Variants in SLC51A observed in about 807,000 individuals in gnomAD.
The protein encoded by SLC51A is organic solute transporter subunit alpha.
A neutral mutation model predicts 34.8 loss-of-function variants in SLC51A; 22 were observed. The ratio of observed to expected loss-of-function variants is 0.63; its 90% CI spans 0.45 to 0.90. The LOEUF (loss-of-function observed/expected upper bound fraction) is 0.90, where lower values mean the gene tolerates loss of function less well. Ranked by LOEUF, SLC51A falls within the 40% of genes least tolerant of loss-of-function variation. SLC51A has a pLI of 0.00. For missense variants in SLC51A, 371 were observed against 414.8 expected, an observed-to-expected ratio of 0.89 and a Z score of 0.92; for synonymous variants, 181 against 176.3, an observed-to-expected ratio of 1.03 and a Z score of -0.21.
rs1723940957 is a variant in SLC51A at position 196,228,063 on chromosome 3, GTCTT to G, written c.363-48_363-45del. 1 of 1,581,190 alleles carries G rather than the reference GTCTT, an allele frequency of 6.3e-7. No homozygotes were observed. Among genetic ancestry groups the G allele is most frequent in the South Asian group, 1.2e-5 (1 of 85,044 alleles). ...TCAGTAAGCCCCACCTCTCCCTGCT[GTCTT>G]TCTCTCTGGCAGCAGACCTCGTAGG... On this transcript the variant is annotated intron_variant, in intron 4 of 8. Coordinates refer to ENST00000296327, the MANE Select transcript of SLC51A (RefSeq NM_152672.6). This position sits in a 1 kb window ranked among gnomAD's most constrained non-coding sequence, Gnocchi z 4.9.
In SLC51A at chr3:196,231,772, T is replaced by C. The variant is rs565643294; in HGVS notation, c.781-647T>C. The stretch of plus-strand genomic sequence containing the variant: ...CACACAATGTACTCAGGGAGGGCAA[T>C]ACTAAGATAAATGGTGCTTCCAGGG... On this transcript the variant is annotated intron_variant, in intron 7 of 8. Transcript: ENST00000296327. Among the ~76,000 whole-genome samples, 5 of 152,326 alleles carry C rather than the reference T, an allele frequency of 3.3e-5. No homozygotes were observed. The South Asian group carries it at 1.0e-3, about 32-fold the overall frequency.
Position 196,217,865 on chromosome 3 carries a change from T to C in SLC51A, c.62T>C (p.Val21Ala). The part of the protein sequence containing the change: ...DPRYTADLLE[V>A]LKTNYGIPSA... Reference sequence around the variant, plus strand: ...AGGTACACAGCAGATCTTCTGGAGGTGCTGAAGACCAATTACGGCATCCCC... The same window carrying C: ...AGGTACACAGCAGATCTTCTGGAGGCGCTGAAGACCAATTACGGCATCCCC... Residue 21 changes from valine (V) to alanine (A), a missense_variant, in exon 2 of 9, where the codon GTG becomes GCG. By Grantham distance (64) the Val-to-Ala change is moderately conservative. Transcript: ENST00000296327. 1 of 1,613,472 alleles carries C rather than the reference T, an allele frequency of 6.2e-7. No homozygotes were observed. Among genetic ancestry groups the C allele is most frequent in the African/African-American group, 1.3e-5 (1 of 74,960 alleles).
chr3:196,230,019 C>A lies in SLC51A; in HGVS notation c.738C>A (p.His246Gln), dbSNP rs1346138148. ...LGIISRQARLHLGEQNMGAKF... is the reference protein window; with the variant it reads ...LGIISRQARLQLGEQNMGAKF... ...TCATTTCCCGTCAAGCCAGGCTACA[C>A]CTGGGTGAGCAGAACATGGGAGCCA... The change falls in exon 7 of 9, where the codon CAC becomes CAA. Residue 246 changes from histidine (H) to glutamine (Q), a missense_variant. His to Gln is a conservative substitution (Grantham distance 24). Transcript: ENST00000296327. The A allele has an allele frequency of 1.9e-6, 3 of 1,613,834 alleles. No individual in the cohort carries two copies. The highest frequency in any genetic ancestry group is 8.5e-7 in the Non-Finnish European group (1 of 1,179,826).
Position 196,233,149 on chromosome 3 carries a change from G to A in SLC51A, c.973G>A (p.Gly325Arg), listed in dbSNP as rs115816456. ...MYYRRKDHKV[G>R]YETFSSPDLD... is the part of the protein sequence containing the mutation. ...CTACCGAAGGAAAGACCACAAGGTTGGGTATGAAACTTTCTCTTCTCCAGA... is the reference window on the plus strand; with the variant it reads ...CTACCGAAGGAAAGACCACAAGGTTAGGTATGAAACTTTCTCTTCTCCAGA... Residue 325 changes from glycine (G) to arginine (R), a missense_variant, in exon 9 of 9, where the codon GGG (glycine) becomes AGG (arginine). Gly to Arg is a moderately radical substitution (Grantham distance 125). Coordinates refer to ENST00000296327, the MANE Select transcript of SLC51A (RefSeq NM_152672.6). 171 of 1,614,224 alleles carry A rather than the reference G, an allele frequency of 1.1e-4. No individual in the cohort carries two copies. Among genetic ancestry groups the A allele is most frequent in the Non-Finnish European group, 1.3e-4 (149 of 1,180,038 alleles).
At chr3:196,224,388 G>A (rs1270055667) in intron 2 of SLC51A, among the ~76,000 whole-genome samples, 1 of 148,458 alleles carries the variant, frequency 6.7e-6, no homozygotes. Flanking sequence ...AGGCCATGTG[G>A]GGACACAGTA....
chr3:196,218,681 C>G (rs1453448887), intron 2 of SLC51A, among the ~76,000 whole-genome samples: 1 of 152,178 alleles, frequency 6.6e-6, no homozygotes, highest in African/African-American at 2.4e-5. Flanking sequence ...TTTTGTCGCT[C>G]TGTTTCCTGA....
chr3:196,216,665 G>T lies in SLC51A; in HGVS notation c.-48G>T. ...CGGCCCCCACCTGCCCGCCCCGCCT[G>T]CCCTTCCTCACCCCGGTGCCTGCGG... is the stretch of plus-strand genomic sequence containing the variant. On this transcript the variant is annotated 5_prime_UTR_variant, in exon 1 of 9. Transcript: ENST00000296327. The surrounding 1 kb of genome is among the most constrained non-coding windows in gnomAD (Gnocchi z 4.5). The T allele has an allele frequency of 6.5e-7, 1 of 1,547,466 alleles. No homozygotes were observed. The highest frequency in any genetic ancestry group is 8.7e-7 in the Non-Finnish European group (1 of 1,145,294).
chr3:196,220,153 G>A (rs779696843), intron 2 of SLC51A, among the ~76,000 whole-genome samples: 12 of 152,242 alleles, frequency 7.9e-5, no homozygotes, highest in Non-Finnish European at 1.3e-4. Flanking sequence ...GGTGAGGCCC[G>A]CTGCGCGCCG....
At chr3:196,218,037 C>T (rs866232055) in intron 2 of SLC51A, 101 bp downstream of exon 2, 21 of 1,068,926 alleles carry the variant, frequency 2.0e-5, no homozygotes, top group Middle Eastern at 2.8e-4. Context: ...CCTGGGCAGC[C>T]GGGGAGAATA....
intron 1 of SLC51A, among the ~76,000 whole-genome samples, chr3:196,217,411 C>T (rs2108751354): frequency 6.6e-6 from 1 of 152,218 alleles, no homozygotes; most frequent in Middle Eastern, 3.4e-3. Flanking sequence ...GTGGCGTGCA[C>T]CTGTAGTCCC....
rs748225405 is a variant in SLC51A, at chr3:196,216,793, G to T, written c.38+43G>T. The T allele has an allele frequency of 1.9e-6, 3 of 1,547,494 alleles. No individual in the cohort carries two copies. The South Asian group carries it at 3.6e-5, about 18-fold the overall frequency. On this transcript the variant is annotated intron_variant, in intron 1 of 8. Transcript: ENST00000296327. The surrounding 1 kb of genome is among the most constrained non-coding windows in gnomAD (Gnocchi z 4.5). ...GCCCTGGGCCAGTCGCTGGGCAGCG[G>T]TGGCCCCTATCCCGCGGCCTGTCCT...
chr3:196,232,197 C>A (rs1724041901), intron 7 of SLC51A, among the ~76,000 whole-genome samples: 1 of 152,224 alleles, frequency 6.6e-6, no homozygotes, highest in African/African-American at 2.4e-5. Context: ...TTGTCAGAAA[C>A]TCTAATAAAC....
intron 6 of SLC51A, among the ~76,000 whole-genome samples, chr3:196,229,137 G>A (rs1462978299): frequency 6.6e-6 from 1 of 152,188 alleles, no homozygotes; most frequent in Non-Finnish European, 1.5e-5. Context: ...AGAGCTCAAA[G>A]GAAGCACCAG....
chr3:196,217,792 C>T, intron 1 of SLC51A, 50 bp from the exon 2 acceptor site: 3 of 1,549,274 alleles, frequency 1.9e-6, no homozygotes, highest in Non-Finnish European at 1.8e-6. Flanking sequence ...TGCAACCCTC[C>T]CCCTTCCCCC....
chr3:196,224,702 G>GC (rs1299267676), intron 2 of SLC51A, among the ~76,000 whole-genome samples: 3 of 106,946 alleles, frequency 2.8e-5, no homozygotes, highest in East Asian at 7.8e-4. Flanking sequence ...CGGGGCGGGG[G>GC]GGGGAGGAGA....
Position 196,228,725 on chromosome 3 carries a change from C to T in SLC51A, c.522-84C>T. 1 of 1,159,378 alleles carries T rather than the reference C, an allele frequency of 8.6e-7. No homozygotes were observed. Among genetic ancestry groups the T allele is most frequent in the South Asian group, 1.2e-5 (1 of 81,344 alleles). 71.8% of individuals were successfully genotyped at this position (1,159,378 alleles called of 1,614,324 possible). On this transcript the variant is annotated intron_variant, in intron 5 of 8. Coordinates refer to ENST00000296327, the MANE Select transcript of SLC51A (RefSeq NM_152672.6). The surrounding 1 kb of genome is among the most constrained non-coding windows in gnomAD (Gnocchi z 4.9). ...GTTTATGACAGCAGCCGAGCCTCAG[C>T]CCAGGAGCCCTGTGAGGAGCCGGGG...
At chr3:196,223,856 CCT>C in intron 2 of SLC51A, 1 of 364,440 alleles carries the variant, frequency 2.7e-6, no homozygotes, top group South Asian at 1.9e-5. Flanking sequence ...TTTTTTAATG[CCT>C]TTTTTTTTTT....
intron 8 of SLC51A, 76 bp downstream of exon 8, chr3:196,232,600 C>G: frequency 8.9e-7 from 1 of 1,120,100 alleles, no homozygotes; most frequent in Non-Finnish European, 1.4e-6. Flanking sequence ...GGCCCCAGAA[C>G]AGACATTAGG....
In SLC51A at chr3:196,232,796, A is replaced by G. The variant is rs1051895689; in HGVS notation, c.887-267A>G. 1.9e-5 allele frequency: 11 copies of G among 577,474 alleles called. No homozygotes were observed. In the African/African-American group the frequency reaches 2.1e-4, roughly 11 times the overall value. The allele number at this position is 577,474 out of a possible 1,614,324, so 35.8% of individuals were successfully genotyped here. On this transcript the variant is annotated intron_variant, in intron 8 of 8. Coordinates refer to ENST00000296327, the MANE Select transcript of SLC51A (RefSeq NM_152672.6). ...CTCAGCTCCTGGGAGAGGAATGGGAATGGTTAAAAAACAGAAGCCCATGTT... is the reference window on the plus strand; with the variant it reads ...CTCAGCTCCTGGGAGAGGAATGGGAGTGGTTAAAAAACAGAAGCCCATGTT...
Sources: allele counts gnomAD v4.1 joint callset (sites outside exome capture counted in the v4.1 genomes callset), GRCh38; gene constraint gnomAD v4.1.1; non-coding constraint Gnocchi (gnomAD v3.1); transcripts MANE v1.5; gene names NCBI Gene and HGNC (gene_info 2026-07-23, HGNC 2026-07-21).